The following FBXO16 variants were observed in gnomAD, a reference collection of about 807,000 sequenced individuals.
FBXO16 encodes F-box protein 16.
FBXO16 carries 31 observed loss-of-function variants against 41.0 expected under a neutral mutation model. The observed-to-expected ratio is 0.76, with a 90% CI of 0.57 to 1.02. The LOEUF (loss-of-function observed/expected upper bound fraction) is 1.02. Among genes scored for constraint, FBXO16 ranks in the 50% least tolerant of loss-of-function variants. FBXO16 has a pLI of 0.00. For synonymous variants in FBXO16, 133 were observed against 117.8 expected, an observed-to-expected ratio of 1.13 and a Z score of -0.84; for missense variants, 361 against 346.2, an observed-to-expected ratio of 1.04 and a Z score of -0.34.
Position 28,469,926 on chromosome 8 carries a change from G to A in FBXO16, c.135+3846C>T, listed in dbSNP as rs189258809. Among the ~76,000 whole-genome samples, 23 of 135,214 alleles carry A rather than the reference G, an allele frequency of 1.7e-4. No homozygotes were observed. The East Asian group carries it at 3.0e-3, about 17-fold the overall frequency. The allele number at this position is 135,214 out of a possible 152,430, so 88.7% of individuals were successfully genotyped here. ...AAAATAATAATAATAATAATAGGCC[G>A]GGCGCGGTGGGCTCACGCCTGTAAA... On this transcript the variant is annotated intron_variant, in intron 3 of 8. Coordinates refer to ENST00000380254, the MANE Select transcript of FBXO16 (RefSeq NM_172366.4).
intron 3 of FBXO16, among the ~76,000 whole-genome samples, chr8:28,469,899 T>C (rs1310171589): frequency 1.4e-5 from 2 of 138,526 alleles, no homozygotes; most frequent in Admixed American, 1.5e-4. Flanking sequence ...AGACTCCGTC[T>C]CAAAATAATA....
Position 28,483,414 on chromosome 8 carries a change from ATCTG to A in FBXO16, c.29_32del (p.Thr10MetfsTer9). 1 of 1,614,164 alleles carries A rather than the reference ATCTG, an allele frequency of 6.2e-7. No individual in the cohort carries two copies. The highest frequency in any genetic ancestry group is 8.5e-7 in the Non-Finnish European group (1 of 1,180,024). On this transcript the variant is annotated frameshift_variant, in exon 2 of 9. Coordinates refer to ENST00000380254, the MANE Select transcript of FBXO16 (RefSeq NM_172366.4). LOFTEE classifies it high-confidence loss of function. ...TCATCTTTGTCTGCATTTTGGGACC[ATCTG>A]TGTTTTTTGGAGGTGCAAATGCCAT...
chr8:28,428,617 G>A lies in FBXO16; in HGVS notation c.*110C>T. On this transcript the variant is annotated 3_prime_UTR_variant, in exon 9 of 9. Coordinates refer to ENST00000380254, the MANE Select transcript of FBXO16 (RefSeq NM_172366.4). ...GTCATGCTTGGGGCCCAGGGTGCCT[G>A]TGAGGATGCTGCATGAGAATTTCAG... 6.4e-7 allele frequency: 1 copy of A among 1,552,242 alleles called. No individual in the cohort carries two copies. Among genetic ancestry groups the A allele is most frequent in the Non-Finnish European group, 8.7e-7 (1 of 1,147,384 alleles).
At chr8:28,462,847 C>G (rs970662569) in intron 4 of FBXO16, among the ~76,000 whole-genome samples, 3 of 152,198 alleles carry the variant, frequency 2.0e-5, no homozygotes, top group African/African-American at 7.2e-5. Context: ...CTCTTTTGTA[C>G]ATATCTCATT....
intron 2 of FBXO16, among the ~76,000 whole-genome samples, chr8:28,477,296 C>T (rs917372224): frequency 4.6e-5 from 7 of 152,184 alleles, no homozygotes; most frequent in African/African-American, 1.7e-4. Context: ...TTTCACTGAT[C>T]ATTGGTGACA....
intron 5 of FBXO16, among the ~76,000 whole-genome samples, chr8:28,452,847 T>TATA (rs770819079): frequency 2.0e-5 from 3 of 151,434 alleles, no homozygotes; most frequent in Non-Finnish European, 2.9e-5. Flanking sequence ...AACCACACAC[T>TATA]ATAATAATAA....
chr8:28,468,319 C>T (rs753056524), intron 3 of FBXO16, among the ~76,000 whole-genome samples: 1 of 152,058 alleles, frequency 6.6e-6, no homozygotes, highest in Non-Finnish European at 1.5e-5. Context: ...GTAGTTGTTA[C>T]AAGGATTCTT....
chr8:28,456,971 A>T, intron 4 of FBXO16, 41 bp from the exon 5 acceptor site: 1 of 1,579,868 alleles, frequency 6.3e-7, no homozygotes, highest in Non-Finnish European at 8.6e-7. Context: ...AAATCAAACA[A>T]CCCCTTCAGT....
intron 5 of FBXO16, among the ~76,000 whole-genome samples, chr8:28,456,133 T>G (rs769268844): frequency 7.2e-5 from 11 of 152,188 alleles, no homozygotes; most frequent in Non-Finnish European, 1.5e-4. Context: ...TTCCCATAAA[T>G]TATCTCATTA....
At chr8:28,466,628 T>TAA (rs59386196) in intron 3 of FBXO16, among the ~76,000 whole-genome samples, 3 of 138,722 alleles carry the variant, frequency 2.2e-5, no homozygotes. Context: ...CATCTCTACT[T>TAA]AAAAAAAAAA....
At chr8:28,439,855 AACTCTG>A (rs1802740638) in intron 7 of FBXO16, among the ~76,000 whole-genome samples, 1 of 21,586 alleles carries the variant, frequency 4.6e-5, no homozygotes, top group East Asian at 6.1e-3. Flanking sequence ...CTTCTGCAGA[AACTCTG>A]TTCTATAAAT....
At chr8:28,437,775 A>C (rs1244413952) in intron 7 of FBXO16, among the ~76,000 whole-genome samples, 4 of 152,268 alleles carry the variant, frequency 2.6e-5, no homozygotes, top group Admixed American at 2.6e-4. Context: ...CAGGAGGCTA[A>C]GGCAGGAAGA....
At chr8:28,433,300 T>A (rs1232627549) in intron 7 of FBXO16, among the ~76,000 whole-genome samples, 2 of 152,254 alleles carry the variant, frequency 1.3e-5, no homozygotes, top group East Asian at 3.8e-4. Context: ...TGCCATGCGT[T>A]TGACATTGGA....
At chr8:28,463,878 C>T (rs1803188646) in intron 3 of FBXO16, 60 bp from the exon 4 acceptor site, 3 of 1,481,878 alleles carry the variant, frequency 2.0e-6, no homozygotes, top group South Asian at 1.2e-5. Context: ...ATAGCAGATT[C>T]ATTACGAGTA....
Position 28,446,888 on chromosome 8 carries a change from A to C in FBXO16, c.843+283T>G, listed in dbSNP as rs1365504419. ...ACTCTGTCTTAAACAAACAAACAAA[A>C]AAACTCCCCTTATATCATACAGTTT... On this transcript the variant is annotated intron_variant, in intron 7 of 8. Coordinates refer to ENST00000380254, the MANE Select transcript of FBXO16 (RefSeq NM_172366.4). The C allele has an allele frequency of 1.8e-5, 4 of 216,480 alleles. No homozygotes were observed. The East Asian group carries it at 4.3e-4, about 23-fold the overall frequency. The allele number at this position is 216,480 out of a possible 1,614,324, so 13.4% of individuals were successfully genotyped here. A position where few individuals can be genotyped will look rare whatever the true frequency, so the allele number is the denominator to read the frequency against.
chr8:28,451,146 A>G (rs1468220006), intron 6 of FBXO16, among the ~76,000 whole-genome samples: 1 of 152,066 alleles, frequency 6.6e-6, no homozygotes, highest in African/African-American at 2.4e-5. Flanking sequence ...ATAAACAACA[A>G]AGGAGCTCCA....
At chr8:28,467,746 T>C (rs974675698) in intron 3 of FBXO16, among the ~76,000 whole-genome samples, 3 of 152,198 alleles carry the variant, frequency 2.0e-5, no homozygotes, top group Non-Finnish European at 2.9e-5. Context: ...AAAAGAACAT[T>C]AGTATTACAC....
chr8:28,478,117 A>G (rs1335397133), intron 2 of FBXO16, among the ~76,000 whole-genome samples: 2 of 152,238 alleles, frequency 1.3e-5, no homozygotes. Flanking sequence ...AAGATTTTTA[A>G]AAATAATTTT....
chr8:28,462,102 C>T (rs1274288783), intron 4 of FBXO16, among the ~76,000 whole-genome samples: 1 of 151,504 alleles, frequency 6.6e-6, no homozygotes, highest in Non-Finnish European at 1.5e-5. Flanking sequence ...ACCACACCCA[C>T]CTAATTTTAA....
Sources: allele counts gnomAD v4.1 joint callset (sites outside exome capture counted in the v4.1 genomes callset), GRCh38; gene constraint gnomAD v4.1.1; transcripts MANE v1.5; gene names NCBI Gene and HGNC (gene_info 2026-07-23, HGNC 2026-07-21).